The following ECT2 variants were observed in gnomAD, a reference collection of about 807,000 sequenced individuals.
ECT2 encodes protein ECT2.
A neutral mutation model predicts 116.9 loss-of-function variants in ECT2; 61 were observed. That is an observed-to-expected ratio of 0.52 (90% CI 0.42 to 0.65). The LOEUF (loss-of-function observed/expected upper bound fraction) is 0.65, where lower values mean the gene tolerates loss of function less well. Among genes scored for constraint, ECT2 ranks in the 30% least tolerant of loss-of-function variants. ECT2 has a pLI of 0.00. For synonymous variants in ECT2, 358 were observed against 346.4 expected, an observed-to-expected ratio of 1.03 and a Z score of -0.37; for missense variants, 937 against 1,078.7, an observed-to-expected ratio of 0.87 and a Z score of 1.84.
chr3:172,798,375 C>T (rs1726115232), intron 18 of ECT2, among the ~76,000 whole-genome samples: 1 of 151,984 alleles, frequency 6.6e-6, no homozygotes, highest in Non-Finnish European at 1.5e-5. Flanking sequence ...TGAATTCTTC[C>T]CTAAAAACAT....
chr3:172,794,846 C>T (rs1449209929), intron 18 of ECT2, among the ~76,000 whole-genome samples: 1 of 152,008 alleles, frequency 6.6e-6, no homozygotes, highest in Non-Finnish European at 1.5e-5. Context: ...TCCCGAGTAG[C>T]TGGGACTACA....
Position 172,777,824 on chromosome 3 carries a change from A to G in ECT2, c.1548+3802A>G, listed in dbSNP as rs114115302. On this transcript the variant is annotated intron_variant, in intron 14 of 24. Transcript: ENST00000392692. The stretch of plus-strand genomic sequence containing the variant: ...TGAGGTGTTAGGATCGCTTGAACCC[A>G]GGAGGCAGAGGTTGCAGTGAGTCAA... Among the ~76,000 whole-genome samples, 1,248 of 152,316 alleles carry G rather than the reference A, an allele frequency of 8.2e-3. 9 individuals carry two copies. Among genetic ancestry groups the G allele is most frequent in the Middle Eastern group, 0.014 (4 of 294 alleles).
chr3:172,827,582 A>G, the ECT2 span, among the ~76,000 whole-genome samples: 1 of 152,322 alleles, frequency 6.6e-6, no homozygotes, highest in South Asian at 2.1e-4. Flanking sequence ...TTAAAAGTTG[A>G]ACACATGGAG....
intron 23 of ECT2, among the ~76,000 whole-genome samples, chr3:172,816,249 C>G (rs1215002025): frequency 1.3e-5 from 2 of 152,062 alleles, no homozygotes; most frequent in Admixed American, 6.6e-5. Context: ...GTTTTGTTTT[C>G]TTTCCCTTGG....
rs889551266 is a variant in ECT2 at position 172,816,776 on chromosome 3, G to C, written c.2594G>C (p.Arg865Thr). The change falls in exon 24 of 25, where the codon AGA (arginine) becomes ACA (threonine). Residue 865 changes from arginine (R) to threonine (T), a missense_variant. Transcript: ENST00000392692. ...LMTSHGSVEG[R>T]SPSSNDKHVM... ...ACATCCCACGGCTCAGTGGAGGGAA[G>C]AAGTCCTTCCAGCAATGATAAGCAT... 16 of 1,611,064 alleles carry C rather than the reference G, an allele frequency of 9.9e-6. No individual in the cohort carries two copies. The highest frequency in any genetic ancestry group is 1.3e-5 in the African/African-American group (1 of 74,816).
At chr3:172,786,710 T>C (rs1365158896) in intron 18 of ECT2, 136 bp downstream of exon 18, 8 of 600,108 alleles carry the variant, frequency 1.3e-5, no homozygotes, top group Non-Finnish European at 2.1e-5. Context: ...ATAGTGTAGT[T>C]ACACATTAAA....
At chr3:172,773,116 A>G (rs1478238114) in intron 13 of ECT2, among the ~76,000 whole-genome samples, 1 of 152,168 alleles carries the variant, frequency 6.6e-6, no homozygotes, top group East Asian at 1.9e-4. Context: ...TTATAAATCA[A>G]TTTGAGGGAG....
In ECT2 at chr3:172,750,786, CGAG is replaced by C. The variant is rs1715600742; in HGVS notation, c.-91_-89del. 6.5e-6 allele frequency: 1 copy of C among 152,818 alleles called. No homozygotes were observed. The highest frequency in any genetic ancestry group is 2.4e-5 in the African/African-American group (1 of 41,424). The allele number at this position is 152,818 out of a possible 1,614,324, so 9.5% of individuals were successfully genotyped here. ...TTGAATCGGTTGTGGCGGCCGCCGGCGAGGAATGGCGGTATTTGTGAGAGGAGT... is the reference window on the plus strand; with the variant it reads ...TTGAATCGGTTGTGGCGGCCGCCGGCGAATGGCGGTATTTGTGAGAGGAGT... On this transcript the variant is annotated 5_prime_UTR_variant, in exon 1 of 25. Coordinates refer to ENST00000392692, the MANE Select transcript of ECT2 (RefSeq NM_001258315.2).
At chr3:172,822,748 T>C (rs748972965), downstream of ECT2, among the ~76,000 whole-genome samples, 1 of 151,948 alleles carries the variant, frequency 6.6e-6, no homozygotes, top group Non-Finnish European at 1.5e-5. Context: ...AAGAATCAAG[T>C]TGAACTTCTA....
At chr3:172,800,340 C>G (rs577371545) in intron 18 of ECT2, among the ~76,000 whole-genome samples, 1 of 152,188 alleles carries the variant, frequency 6.6e-6, no homozygotes, top group South Asian at 2.1e-4. Flanking sequence ...ATGACTCTGA[C>G]TAGTTTTACT....
chr3:172,764,135 T>C (rs977079208), intron 11 of ECT2, 143 bp from the exon 12 acceptor site: 82 of 708,794 alleles, frequency 1.2e-4, no homozygotes, highest in Non-Finnish European at 1.6e-4. Flanking sequence ...TATGAAACTT[T>C]TGAATTGCCT....
Position 172,820,162 on chromosome 3 carries a change from C to T in ECT2, c.2670C>T (p.Pro890=), listed in dbSNP as rs1244429237. The T allele has an allele frequency of 6.2e-7, 1 of 1,609,268 alleles. No individual in the cohort carries two copies. ...TGTCTTAACAGGGTATCCCTTCTCC[C>T]TCCCTTGTCAGCCTTCCTTCCTTCT... ...STSSLAGIPS[P]SLVSLPSFFE... is the part of the protein sequence containing the mutation. The change falls in exon 25 of 25, where the codon CCC becomes CCT. Residue 890 remains proline (P), a synonymous_variant. Coordinates refer to ENST00000392692, the MANE Select transcript of ECT2 (RefSeq NM_001258315.2).
chr3:172,767,157 CAG>C lies in ECT2; in HGVS notation c.1292-1849_1292-1848del, dbSNP rs538844365. On this transcript the variant is annotated intron_variant, in intron 12 of 24. Transcript: ENST00000392692. The stretch of plus-strand genomic sequence containing the variant: ...GATTCTGTTTTTTTTAAAAAGCACT[CAG>C]GGGCTGGGCGCGGTGGCCCACGCCT... Among the ~76,000 whole-genome samples the C allele has an allele frequency of 1.1e-3, 174 of 152,220 alleles. 1 individual carries two copies. The highest frequency in any genetic ancestry group is 1.8e-3 in the Non-Finnish European group (123 of 67,990).
At chr3:172,823,573 G>C (rs115780108), downstream of ECT2, among the ~76,000 whole-genome samples, 2 of 152,148 alleles carry the variant, frequency 1.3e-5, no homozygotes, top group African/African-American at 4.8e-5. Context: ...AGATAATACT[G>C]CACATTTGGT....
intron 15 of ECT2, 130 bp from the exon 16 acceptor site, chr3:172,783,669 T>G: frequency 1.6e-6 from 1 of 619,690 alleles, no homozygotes; most frequent in Admixed American, 3.4e-5. Context: ...TTCTCAAACA[T>G]AGAAATTTAC....
At position 172,783,910 on chromosome 3, in the gene ECT2, GTAA is replaced by G. The variant is rs777580358; in HGVS notation, c.1728+3_1728+5del. The G allele has an allele frequency of 1.3e-5, 20 of 1,531,560 alleles. No homozygotes were observed. In the African/African-American group the frequency reaches 1.5e-4, roughly 12 times the overall value. The allele number at this position is 1,531,560 out of a possible 1,614,324, so 94.9% of individuals were successfully genotyped here. On this transcript the variant is annotated splice_donor_variant and splice_donor_region_variant and intron_variant, in intron 16 of 24. Transcript: ENST00000392692. LOFTEE classifies it high-confidence loss of function. Reference sequence around the variant, plus strand: ...ACCAAGATTTCATGCTTTTCTCAAGGTAATGTGTGTTTCTTTCAAATAAAAATT... The same window carrying G: ...ACCAAGATTTCATGCTTTTCTCAAGGTGTGTGTTTCTTTCAAATAAAAATT...
At chr3:172,818,880 A>C (rs1258174496) in intron 24 of ECT2, 1 of 1,134,426 alleles carries the variant, frequency 8.8e-7, no homozygotes, top group Non-Finnish European at 1.1e-6. Context: ...TTTTTTCTCC[A>C]AGGAATCACT....
At chr3:172,760,714 TTTTTTTTTTTTTTTTTTTTTTTTTGA>T (rs1362197491) in intron 7 of ECT2, among the ~76,000 whole-genome samples, 2 of 87,704 alleles carry the variant, frequency 2.3e-5, no homozygotes, top group Non-Finnish European at 4.5e-5. Context: ...CTAAGTGCCT[TTTTTTTTTTTTTTTTTTTTTTTTTGA>T]GACTGAGTCT....
At chr3:172,755,711 C>T in intron 4 of ECT2, 136 bp downstream of exon 4, 1 of 398,362 alleles carries the variant, frequency 2.5e-6, no homozygotes, top group Non-Finnish European at 4.4e-6. Flanking sequence ...CTGTTTTATA[C>T]TTTTTAACTC....
Sources: allele counts gnomAD v4.1 joint callset (sites outside exome capture counted in the v4.1 genomes callset), GRCh38; gene constraint gnomAD v4.1.1; transcripts MANE v1.5; gene names NCBI Gene and HGNC (gene_info 2026-07-23, HGNC 2026-07-21).